The following PNPLA7 variants were observed in gnomAD, a reference collection of about 807,000 sequenced individuals.
The protein encoded by PNPLA7 is patatin-like phospholipase domain-containing protein 7.
Under a neutral mutation model 161.7 loss-of-function variants are expected in PNPLA7, and 153 were observed. The ratio of observed to expected loss-of-function variants is 0.95; its 90% confidence interval spans 0.83 to 1.08. PNPLA7 has a LOEUF of 1.08. Ranked by LOEUF, PNPLA7 falls within the 50% of genes least tolerant of loss-of-function variation. PNPLA7 has a pLI of 0.00. For synonymous variants in PNPLA7, 809 were observed against 782.1 expected, an observed-to-expected ratio of 1.03 and a Z score of -0.57; for missense variants, 1,739 against 1,856.6, an observed-to-expected ratio of 0.94 and a Z score of 1.16.
At chr9:137,464,220 G>C (rs1831358818) in intron 27 of PNPLA7, 25 bp from the exon 28 acceptor site, 1 of 1,612,712 alleles carries the variant, frequency 6.2e-7, no homozygotes, top group South Asian at 1.1e-5. Flanking sequence ...GGCTCAGATG[G>C]GCCCTCTCCC....
At chr9:137,473,117 G>A (rs1052073700) in intron 25 of PNPLA7, among the ~76,000 whole-genome samples, 9 of 152,170 alleles carry the variant, frequency 5.9e-5, no homozygotes, top group South Asian at 2.1e-4. Context: ...ATCAGATCCC[G>A]TTAGACTATC....
chr9:137,500,589 G>A lies in PNPLA7; in HGVS notation c.1757+102C>T. ...ACAAAGAGGGGAGCCCGAGAAGCAG[G>A]GAAGAGGGTGAGAGCACCAGGAAGA... On this transcript the variant is annotated intron_variant, in intron 16 of 34. Transcript: ENST00000406427. The surrounding 1 kb of genome is among the most constrained non-coding windows in gnomAD (Gnocchi z 5.5). 2.7e-6 allele frequency: 3 copies of A among 1,095,572 alleles called. No individual in the cohort carries two copies. Among genetic ancestry groups the A allele is most frequent in the Non-Finnish European group, 1.3e-6 (1 of 756,078 alleles). The allele number at this position is 1,095,572 out of a possible 1,614,324, so 67.9% of individuals were successfully genotyped here.
At chr9:137,503,199 T>C (rs1360128916) in intron 14 of PNPLA7, among the ~76,000 whole-genome samples, 2 of 151,960 alleles carry the variant, frequency 1.3e-5, no homozygotes, top group East Asian at 1.9e-4. Flanking sequence ...CTGGGAAACA[T>C]GGCAAAACCC....
chr9:137,502,240 C>G (rs1833471763), intron 14 of PNPLA7, among the ~76,000 whole-genome samples: 1 of 152,076 alleles, frequency 6.6e-6, no homozygotes, highest in Non-Finnish European at 1.5e-5. Context: ...CTGGGGCAAA[C>G]CAAGGGTGAG....
At position 137,503,850 on chromosome 9, in the gene PNPLA7, AAGAAGAAGAAGGAGGAGGAAG is replaced by A. The variant is rs1588625393; in HGVS notation, c.1473+1743_1473+1763del. 2.3e-5 allele frequency among the ~76,000 whole-genome samples: 3 copies of A among 128,974 alleles called. No homozygotes were observed. The East Asian group carries it at 6.9e-4, about 30-fold the overall frequency. The allele number at this position is 128,974 out of a possible 152,430, so 84.6% of individuals were successfully genotyped here. On this transcript the variant is annotated intron_variant, in intron 14 of 34. Transcript: ENST00000406427. ...GAAGAAAGAAGCAAGAAGAAGAAGG[AAGAAGAAGAAGGAGGAGGAAG>A]GAAGAAGAAAGAAGAAGGAAGAAGA... is the stretch of plus-strand genomic sequence containing the variant.
At chr9:137,513,012 A>G (rs573758509) in intron 12 of PNPLA7, among the ~76,000 whole-genome samples, 2 of 152,090 alleles carry the variant, frequency 1.3e-5, no homozygotes, top group African/African-American at 4.8e-5. Flanking sequence ...ATGTAGATTC[A>G]GATACCTGAT....
intron 32 of PNPLA7, 71 bp from the exon 33 acceptor site, chr9:137,461,691 G>A (rs1479893639): frequency 1.4e-6 from 2 of 1,470,976 alleles, no homozygotes; most frequent in Non-Finnish European, 1.9e-6. Context: ...GCTTCCTGTG[G>A]GGAGGCCCCA....
chr9:137,478,953 C>G, intron 24 of PNPLA7, 103 bp downstream of exon 24: 1 of 1,370,502 alleles, frequency 7.3e-7, no homozygotes, highest in East Asian at 2.6e-5. Context: ...GGCCCAGGAG[C>G]GCAGGTGTCA....
intron 23 of PNPLA7, 128 bp from the exon 24 acceptor site, chr9:137,479,366 A>T: frequency 7.4e-7 from 1 of 1,354,224 alleles, no homozygotes; most frequent in Non-Finnish European, 9.5e-7. Context: ...CTGCAAAGCA[A>T]CTTGGCTGTG....
In PNPLA7 at chr9:137,484,575, G is replaced by A; in HGVS notation, c.2347+12C>T. Reference sequence around the variant, plus strand: ...CCCAAGGATGGCTGGAGGCTGGGAGGCTCAGGCTTACCGATGGCGCTGAGG... The same window carrying A: ...CCCAAGGATGGCTGGAGGCTGGGAGACTCAGGCTTACCGATGGCGCTGAGG... On this transcript the variant is annotated intron_variant, in intron 21 of 34. Transcript: ENST00000406427. 1 of 1,587,832 alleles carries A rather than the reference G, an allele frequency of 6.3e-7. No homozygotes were observed. Among genetic ancestry groups the A allele is most frequent in the Non-Finnish European group, 8.6e-7 (1 of 1,162,310 alleles).
Position 137,486,750 on chromosome 9 carries a change from GCA to G in PNPLA7, c.2198-2016_2198-2015del, listed in dbSNP as rs1218907697. On this transcript the variant is annotated intron_variant, in intron 20 of 34. Transcript: ENST00000406427. This position sits in a 1 kb window ranked among gnomAD's most constrained non-coding sequence, Gnocchi z 6.0. Reference sequence around the variant, plus strand: ...CCGCCTGCTTGAGAGGACGCTCTGTGCACAGTGGCCGGAGCTGGCCTTCGACG... The same window carrying G: ...CCGCCTGCTTGAGAGGACGCTCTGTGCAGTGGCCGGAGCTGGCCTTCGACG... Among the ~76,000 whole-genome samples, 4 of 152,106 alleles carry G rather than the reference GCA, an allele frequency of 2.6e-5. No homozygotes were observed. The highest frequency in any genetic ancestry group is 5.9e-5 in the Non-Finnish European group (4 of 68,024).
At position 137,460,167 on chromosome 9, in the gene PNPLA7, CAG is replaced by C. The variant is rs1368869947; in HGVS notation, c.*224_*225del. ...GGTTCACAGAGCTTCAGGGGCCTCA[CAG>C]AGCTTCAGGGGCCTCACAGGACTGC... is the stretch of plus-strand genomic sequence containing the variant. On this transcript the variant is annotated 3_prime_UTR_variant, in exon 35 of 35. Transcript: ENST00000406427. 2.1e-6 allele frequency: 1 copy of C among 476,518 alleles called. No individual in the cohort carries two copies. The highest frequency in any genetic ancestry group is 3.8e-6 in the Non-Finnish European group (1 of 261,882). The allele number at this position is 476,518 out of a possible 1,614,324, so 29.5% of individuals were successfully genotyped here.
At chr9:137,463,138 C>T (rs769874338) in intron 29 of PNPLA7, 1 of 587,784 alleles carries the variant, frequency 1.7e-6, no homozygotes, top group Non-Finnish European at 3.0e-6. Flanking sequence ...CTTAATTGCT[C>T]CCAGTTCCTC....
Position 137,501,728 on chromosome 9 carries a change from C to G in PNPLA7, c.1474-1G>C. The G allele has an allele frequency of 6.2e-7, 1 of 1,612,448 alleles. No individual in the cohort carries two copies. Among genetic ancestry groups the G allele is most frequent in the Non-Finnish European group, 8.5e-7 (1 of 1,179,796 alleles). On this transcript the variant is annotated splice_acceptor_variant, in intron 14 of 34. Transcript: ENST00000406427. LOFTEE classifies it high-confidence loss of function. ...CCCGGCCATCCAACAGAGATGAGTC[C>G]TAAAAACAGAGCAGACTTCAGGGAA...
At position 137,460,304 on chromosome 9, in the gene PNPLA7, G is replaced by A. The variant is rs1472523902; in HGVS notation, c.*89C>T. On this transcript the variant is annotated 3_prime_UTR_variant, in exon 35 of 35. Transcript: ENST00000406427. ...GAAGTCAGGGCTTCCAGCAGGGCAG[G>A]TACAGAGGCCCCTAGGACTTGGCAG... The A allele has an allele frequency of 5.4e-5, 73 of 1,352,540 alleles. No individual in the cohort carries two copies. The Admixed American group carries it at 1.4e-3, about 27-fold the overall frequency. The allele number at this position is 1,352,540 out of a possible 1,614,324, so 83.8% of individuals were successfully genotyped here. A position where few individuals can be genotyped will look rare whatever the true frequency, so the allele number is the denominator to read the frequency against.
rs1831588049 is a variant in PNPLA7, at chr9:137,468,743, T to TA, written c.2883-1271dup. 6.6e-6 allele frequency among the ~76,000 whole-genome samples: 1 copy of TA among 151,444 alleles called. No individual in the cohort carries two copies. Among genetic ancestry groups the TA allele is most frequent in the South Asian group, 2.1e-4 (1 of 4,796 alleles). Reference sequence around the variant, plus strand: ...CTGGACTGGAGTGAGACCCTGTCTATAAAAAAGTTCTGGAAATGAACAGTG... The same window carrying TA: ...CTGGACTGGAGTGAGACCCTGTCTATAAAAAAAGTTCTGGAAATGAACAGTG... On this transcript the variant is annotated intron_variant, in intron 25 of 34. Coordinates refer to ENST00000406427, the MANE Select transcript of PNPLA7 (RefSeq NM_001098537.3). The surrounding 1 kb of genome is among the most constrained non-coding windows in gnomAD (Gnocchi z 4.0).
At chr9:137,511,168 G>A (rs1369805841) in intron 12 of PNPLA7, among the ~76,000 whole-genome samples, 4 of 152,070 alleles carry the variant, frequency 2.6e-5, no homozygotes, top group South Asian at 2.1e-4. Flanking sequence ...TTGGTCTGGC[G>A]GTAGCACCAG....
chr9:137,479,949 A>G (rs558796255), intron 23 of PNPLA7: 2 of 946,262 alleles, frequency 2.1e-6, no homozygotes, highest in African/African-American at 3.5e-5. Flanking sequence ...AGGAACAGGA[A>G]CGACGCCGAC....
chr9:137,549,750 A>T (rs919362265), intron 1 of PNPLA7, among the ~76,000 whole-genome samples: 8 of 152,154 alleles, frequency 5.3e-5, no homozygotes, highest in South Asian at 4.1e-4. Flanking sequence ...ACACCATTGC[A>T]CACCAGCCTG....
Sources: allele counts gnomAD v4.1 joint callset (sites outside exome capture counted in the v4.1 genomes callset), GRCh38; gene constraint gnomAD v4.1.1; non-coding constraint Gnocchi (gnomAD v3.1); transcripts MANE v1.5; gene names NCBI Gene and HGNC (gene_info 2026-07-23, HGNC 2026-07-21).